Variants in CLVS2 observed in about 807,000 individuals in gnomAD.
CLVS2 encodes clavesin-2.
In CLVS2, 19 loss-of-function variants were observed where a neutral mutation model predicts 29.0. The ratio of observed to expected loss-of-function variants is 0.66; its 90% CI spans 0.46 to 0.96. CLVS2 has a LOEUF of 0.96. CLVS2 is among the 40% of genes least tolerant of loss of function. CLVS2 has a pLI of 0.00. For synonymous variants in CLVS2, 161 were observed against 151.3 expected (o/e 1.06, Z -0.47); for missense variants, 294 against 404.1 (o/e 0.73, Z 2.34).
intron 4 of CLVS2, among the ~76,000 whole-genome samples, chr6:123,054,737 T>C (rs1772669198): frequency 1.3e-5 from 2 of 152,152 alleles, no homozygotes; most frequent in Admixed American, 1.3e-4. Flanking sequence ...GGCCAATCTG[T>C]AGTTTTGAAA....
intron 5 of CLVS2, among the ~76,000 whole-genome samples, chr6:123,056,374 C>T (rs945121461): frequency 1.3e-5 from 2 of 152,122 alleles, no homozygotes; most frequent in Admixed American, 6.6e-5. Flanking sequence ...TCCACCCCCC[C>T]AAACCATCCT....
At chr6:123,001,667 C>T (rs1373186212) in intron 2 of CLVS2, among the ~76,000 whole-genome samples, 1 of 152,166 alleles carries the variant, frequency 6.6e-6, no homozygotes, top group East Asian at 1.9e-4. Flanking sequence ...GTTTTCCTTC[C>T]TAAATGGTAG....
intron 4 of CLVS2, among the ~76,000 whole-genome samples, chr6:123,050,707 G>A (rs1455272561): frequency 2.6e-5 from 4 of 152,152 alleles, no homozygotes. Context: ...AGATCGCACA[G>A]GGACTCATAT....
chr6:123,037,258 T>C lies in CLVS2; in HGVS notation c.565-11364T>C, dbSNP rs537803191. 2.0e-5 allele frequency among the ~76,000 whole-genome samples: 3 copies of C among 152,254 alleles called. No individual in the cohort carries two copies. The East Asian group carries it at 5.8e-4, about 30-fold the overall frequency. ...CAGATTAAACTGTGGCAAACTGCTT[T>C]CAGCTATTCTCTCCCACATCCCCTC... On this transcript the variant is annotated intron_variant, in intron 3 of 5. Coordinates refer to ENST00000275162, the MANE Select transcript of CLVS2 (RefSeq NM_001010852.4).
At chr6:123,041,473 G>T (rs1775234059) in intron 3 of CLVS2, among the ~76,000 whole-genome samples, 1 of 151,812 alleles carries the variant, frequency 6.6e-6, no homozygotes, top group African/African-American at 2.4e-5. Flanking sequence ...CTTTAAAACA[G>T]CAATAACAAC....
chr6:123,042,993 A>G (rs1175577190), intron 3 of CLVS2, among the ~76,000 whole-genome samples: 1 of 152,204 alleles, frequency 6.6e-6, no homozygotes, highest in East Asian at 1.9e-4. Context: ...ACTTAAATTC[A>G]AACACATCTG....
Position 123,063,967 on chromosome 6 carries a change from A to T in CLVS2, c.*206A>T. 1 of 439,790 alleles carries T rather than the reference A, an allele frequency of 2.3e-6. No homozygotes were observed. 27.2% of individuals were successfully genotyped at this position (439,790 alleles called of 1,614,324 possible). ...TAAAATGTCAATAATTTATTCTGTA[A>T]GTGCCAAGTTGTTTGTAAATATAAT... is the stretch of plus-strand genomic sequence containing the variant. On this transcript the variant is annotated 3_prime_UTR_variant, in exon 6 of 6. Transcript: ENST00000275162.
Position 122,997,507 on chromosome 6 carries a change from T to G in CLVS2, c.-271T>G. Reference sequence around the variant, plus strand: ...GAGCCCTTCAGGGGTTCACATCTCTTTAAAGGAAAGGAAAGAGGGAGCCAA... The same window carrying G: ...GAGCCCTTCAGGGGTTCACATCTCTGTAAAGGAAAGGAAAGAGGGAGCCAA... On this transcript the variant is annotated 5_prime_UTR_variant, in exon 2 of 6. Transcript: ENST00000275162. The G allele has an allele frequency of 2.0e-6, 1 of 501,006 alleles. No individual in the cohort carries two copies. Among genetic ancestry groups the G allele is most frequent in the Non-Finnish European group, 3.7e-6 (1 of 271,076 alleles). The allele number at this position is 501,006 out of a possible 1,614,324, so 31.0% of individuals were successfully genotyped here.
intron 3 of CLVS2, among the ~76,000 whole-genome samples, chr6:123,025,217 G>A (rs12660210): frequency 1.3e-5 from 2 of 151,878 alleles, no homozygotes; most frequent in Non-Finnish European, 2.9e-5. Flanking sequence ...AATATCCGGG[G>A]ACCTGGAAAG....
At chr6:123,014,023 G>A (rs1376817464) in intron 3 of CLVS2, among the ~76,000 whole-genome samples, 2 of 152,130 alleles carry the variant, frequency 1.3e-5, no homozygotes, top group Non-Finnish European at 2.9e-5. Context: ...AGTATTCCAT[G>A]GTGTATACGT....
chr6:123,014,514 G>T (rs1326163708), intron 3 of CLVS2, among the ~76,000 whole-genome samples: 1 of 152,038 alleles, frequency 6.6e-6, no homozygotes, highest in Non-Finnish European at 1.5e-5. Flanking sequence ...ACAGGATTTG[G>T]ATGGCAACCC....
chr6:123,027,370 C>G lies in CLVS2; in HGVS notation c.564+16211C>G, dbSNP rs138554458. On this transcript the variant is annotated intron_variant, in intron 3 of 5. Coordinates refer to ENST00000275162, the MANE Select transcript of CLVS2 (RefSeq NM_001010852.4). The stretch of plus-strand genomic sequence containing the variant: ...GTAAGAAGTTTAGAGACTTTCGTAG[C>G]AAACCAGCCCAGAGATGCTAAAAGT... 3.3e-5 allele frequency among the ~76,000 whole-genome samples: 5 copies of G among 152,246 alleles called. 1 individual carries two copies. In the East Asian group the frequency reaches 7.7e-4, roughly 24 times the overall value.
chr6:123,068,969 T>TA lies in CLVS2; in HGVS notation c.*5214dup, dbSNP rs1266781481. Reference sequence around the variant, plus strand: ...TGCATCTATAAAATGGAGATTTCTTTAAAAAATCGTCTAAAAATTAGCAAT... The same window carrying TA: ...TGCATCTATAAAATGGAGATTTCTTTAAAAAAATCGTCTAAAAATTAGCAAT... On this transcript the variant is annotated 3_prime_UTR_variant, in exon 6 of 6. Transcript: ENST00000275162. 21 of 151,852 alleles carry TA rather than the reference T, an allele frequency of 1.4e-4. No homozygotes were observed. The highest frequency in any genetic ancestry group is 6.8e-3 in the Middle Eastern group (2 of 292). 9.4% of individuals were successfully genotyped at this position (151,852 alleles called of 1,614,324 possible). A position where few individuals can be genotyped will look rare whatever the true frequency, so the allele number is the denominator to read the frequency against.
At position 123,064,682 on chromosome 6, in the gene CLVS2, A is replaced by G. The variant is rs191952514; in HGVS notation, c.*921A>G. On this transcript the variant is annotated 3_prime_UTR_variant, in exon 6 of 6. Transcript: ENST00000275162. Reference sequence around the variant, plus strand: ...CACTGGTTAAAAAGTATATATATATATATATTCACACATATATATTTTTAC... The same window carrying G: ...CACTGGTTAAAAAGTATATATATATGTATATTCACACATATATATTTTTAC... The G allele has an allele frequency of 2.8e-4, 42 of 151,778 alleles. No homozygotes were observed. Among genetic ancestry groups the G allele is most frequent in the African/African-American group, 8.0e-4 (33 of 41,448 alleles). 9.4% of individuals were successfully genotyped at this position (151,778 alleles called of 1,614,324 possible).
chr6:123,020,479 G>T (rs1381422754), intron 3 of CLVS2, among the ~76,000 whole-genome samples: 1 of 151,992 alleles, frequency 6.6e-6, no homozygotes, highest in East Asian at 1.9e-4. Context: ...ATGAGAATAA[G>T]ACATTTTTAA....
rs573328016 is a variant in CLVS2, at chr6:123,036,865, C to A, written c.565-11757C>A. Among the ~76,000 whole-genome samples, 152 of 152,234 alleles carry A rather than the reference C, an allele frequency of 1.0e-3. 1 individual carries two copies. Among genetic ancestry groups the A allele is most frequent in the Non-Finnish European group, 3.5e-4 (24 of 68,006 alleles). Reference sequence around the variant, plus strand: ...TGAAAGGAGGTGGTAGAGCTAAAAGCGTTCTGGCAAGTGATTGGAAATCAT... The same window carrying A: ...TGAAAGGAGGTGGTAGAGCTAAAAGAGTTCTGGCAAGTGATTGGAAATCAT... On this transcript the variant is annotated intron_variant, in intron 3 of 5. Coordinates refer to ENST00000275162, the MANE Select transcript of CLVS2 (RefSeq NM_001010852.4).
intron 3 of CLVS2, among the ~76,000 whole-genome samples, chr6:123,045,128 T>C (rs557735900): frequency 1.4e-4 from 21 of 151,420 alleles, no homozygotes; most frequent in African/African-American, 4.9e-4. Context: ...TGAACATTTA[T>C]CTACCTCTTT....
intron 3 of CLVS2, among the ~76,000 whole-genome samples, chr6:123,030,309 A>T (rs185464955): frequency 6.6e-6 from 1 of 152,126 alleles, no homozygotes; most frequent in East Asian, 1.9e-4. Context: ...TGGATTCTTG[A>T]ATTCATTGTG....
At position 123,065,984 on chromosome 6, in the gene CLVS2, A is replaced by T. The variant is rs1772848331; in HGVS notation, c.*2223A>T. ...CTGTCTCCCAGACCCACATTTGGAA[A>T]GTTTGCATTGCATTACTGCTCATCT... On this transcript the variant is annotated 3_prime_UTR_variant, in exon 6 of 6. Transcript: ENST00000275162. 1 of 151,788 alleles carries T rather than the reference A, an allele frequency of 6.6e-6. No individual in the cohort carries two copies. Among genetic ancestry groups the T allele is most frequent in the African/African-American group, 2.4e-5 (1 of 41,408 alleles). The allele number at this position is 151,788 out of a possible 1,614,324, so 9.4% of individuals were successfully genotyped here.
Sources: allele counts gnomAD v4.1 joint callset (sites outside exome capture counted in the v4.1 genomes callset), GRCh38; gene constraint gnomAD v4.1.1; transcripts MANE v1.5; gene names NCBI Gene and HGNC (gene_info 2026-07-23, HGNC 2026-07-21).